The following LOC122539214 variants were observed in gnomAD, a reference collection of about 807,000 sequenced individuals.
chr19:52,658,239 C>A, the LOC122539214 span, among the ~76,000 whole-genome samples: 1 of 152,082 alleles, frequency 6.6e-6, no homozygotes, highest in South Asian at 2.1e-4. Flanking sequence ...ATCAAGGACA[C>A]CATCCTACAC....
the LOC122539214 span, among the ~76,000 whole-genome samples, chr19:52,676,062 G>A: frequency 6.6e-6 from 1 of 151,386 alleles, no homozygotes; most frequent in Non-Finnish European, 1.5e-5. Context: ...TCCCTCTCCC[G>A]CTCACTGCAA....
chr19:52,656,224 C>G, the LOC122539214 span, among the ~76,000 whole-genome samples: 3 of 124,540 alleles, frequency 2.4e-5, no homozygotes, highest in African/African-American at 8.6e-5. Flanking sequence ...CTCTCTCTCT[C>G]TCTATATATA....
chr19:52,678,897 C>T, the LOC122539214 span, among the ~76,000 whole-genome samples: 8 of 151,580 alleles, frequency 5.3e-5, no homozygotes, highest in African/African-American at 1.7e-4. Context: ...ATCACTTGAA[C>T]CCAGGAGGCC....
At chr19:52,666,618 C>CAAAAAAAAAAAAAAAAAAA in the LOC122539214 span, among the ~76,000 whole-genome samples, 1 of 105,802 alleles carries the variant, frequency 9.5e-6, no homozygotes, top group Non-Finnish European at 1.9e-5. Context: ...TATCCTAAGT[C>CAAAAAAAAAAAAAAAAAAA]AAAAAAAAAA....
At chr19:52,690,062 G>A in the LOC122539214 span, among the ~76,000 whole-genome samples, 1 of 152,164 alleles carries the variant, frequency 6.6e-6, no homozygotes, top group African/African-American at 2.4e-5. Flanking sequence ...GACAGGGGCC[G>A]CGGCGCTGCG....
the LOC122539214 span, among the ~76,000 whole-genome samples, chr19:52,685,472 A>C: frequency 1.3e-5 from 2 of 152,170 alleles, no homozygotes; most frequent in Non-Finnish European, 2.9e-5. Context: ...CCTGACATTT[A>C]ATTCTTCCTT....
At chr19:52,664,561 A>G in the LOC122539214 span, among the ~76,000 whole-genome samples, 2 of 152,188 alleles carry the variant, frequency 1.3e-5, no homozygotes, top group South Asian at 2.1e-4. Flanking sequence ...TCTAAGGCCA[A>G]TTAACACGAA....
chr19:52,682,890 A>G, the LOC122539214 span, among the ~76,000 whole-genome samples: 16 of 151,744 alleles, frequency 1.1e-4, no homozygotes, highest in East Asian at 9.7e-4. Flanking sequence ...TTTTTTTTCT[A>G]GATGGAGTCT....
chr19:52,652,684 C>A, the LOC122539214 span: 1 of 600,904 alleles, frequency 1.7e-6, no homozygotes. Flanking sequence ...ATTTGCAATG[C>A]TTGTAGCATT....
chr19:52,666,518 C>A, the LOC122539214 span, among the ~76,000 whole-genome samples: 8 of 149,720 alleles, frequency 5.3e-5, no homozygotes, highest in South Asian at 2.1e-4. Flanking sequence ...TGCATTCAAT[C>A]TGTAGTGGCA....
the LOC122539214 span, among the ~76,000 whole-genome samples, chr19:52,671,328 ATGT>A: frequency 6.6e-6 from 1 of 152,206 alleles, no homozygotes; most frequent in African/African-American, 2.4e-5. Flanking sequence ...TTTACGATAA[ATGT>A]TGTTGACAAC....
the LOC122539214 span, among the ~76,000 whole-genome samples, chr19:52,680,354 C>T: frequency 6.6e-6 from 1 of 152,086 alleles, no homozygotes; most frequent in Admixed American, 6.6e-5. Flanking sequence ...AAGCCCTCTG[C>T]GCAGGGTTCA....
chr19:52,663,930 C>T, the LOC122539214 span, among the ~76,000 whole-genome samples: 12 of 152,124 alleles, frequency 7.9e-5, no homozygotes, highest in Non-Finnish European at 1.3e-4. Context: ...CTCTGTTGCC[C>T]GGCTGGAATG....
At chr19:52,689,839 G>C in the LOC122539214 span, among the ~76,000 whole-genome samples, 2 of 152,208 alleles carry the variant, frequency 1.3e-5, no homozygotes, top group Admixed American at 1.3e-4. Flanking sequence ...TATTTTCCAG[G>C]GGCTGGAACT....
At chr19:52,678,175 A>G in the LOC122539214 span, among the ~76,000 whole-genome samples, 1 of 152,074 alleles carries the variant, frequency 6.6e-6, no homozygotes, top group South Asian at 2.1e-4. Flanking sequence ...GGATAAGGCC[A>G]GGCTCGGTGG....
chr19:52,661,811 A>T, the LOC122539214 span, among the ~76,000 whole-genome samples: 1 of 152,144 alleles, frequency 6.6e-6, no homozygotes, highest in African/African-American at 2.4e-5. Flanking sequence ...TGCAATGTCA[A>T]ATGGGGCCTG....
the LOC122539214 span, among the ~76,000 whole-genome samples, chr19:52,684,760 C>G: frequency 6.6e-6 from 1 of 151,854 alleles, no homozygotes; most frequent in Middle Eastern, 3.4e-3. Context: ...AGAGCAGGGA[C>G]AATGACCTGA....
the LOC122539214 span, among the ~76,000 whole-genome samples, chr19:52,687,633 G>GTATATATATA: frequency 2.5e-4 from 7 of 27,846 alleles, 1 homozygote; most frequent in Non-Finnish European, 3.9e-4. Flanking sequence ...TATATATAAT[G>GTATATATATA]TATATATATA....
the LOC122539214 span, among the ~76,000 whole-genome samples, chr19:52,689,888 G>A: frequency 4.6e-5 from 7 of 152,198 alleles, no homozygotes; most frequent in South Asian, 2.1e-4. Context: ...GACAGGCCCC[G>A]GGCACCTCCC....
Sources: allele counts gnomAD v4.1 joint callset (sites outside exome capture counted in the v4.1 genomes callset), GRCh38; gene constraint gnomAD v4.1.1; transcripts MANE v1.5.